Variants in NRXN3 observed in about 807,000 individuals in gnomAD.
The protein encoded by NRXN3 is neurexin III.
In NRXN3, 32 loss-of-function variants were observed where a neutral mutation model predicts 137.6. That is an observed-to-expected ratio of 0.23 (90% confidence interval 0.18 to 0.31). The LOEUF (loss-of-function observed/expected upper bound fraction) is 0.31. Among genes scored for constraint, NRXN3 ranks in the 10% least tolerant of loss-of-function variants. The probability of loss-of-function intolerance (pLI) is 1.00; values close to 1 mark genes in which losing one functional copy is unlikely to be tolerated. For synonymous variants in NRXN3, 798 were observed against 784.5 expected (o/e 1.02, Z -0.29); for missense variants, 1,574 against 2,062.5 (o/e 0.76, Z 4.59).
At chr14:78,620,147 C>G (rs1281103357) in intron 4 of NRXN3, among the ~76,000 whole-genome samples, 2 of 152,156 alleles carry the variant, frequency 1.3e-5, no homozygotes, top group Non-Finnish European at 2.9e-5. Flanking sequence ...TTTTTACACT[C>G]TTGAGAATCA....
intron 15 of NRXN3, among the ~76,000 whole-genome samples, chr14:79,455,187 C>T (rs949856109): frequency 2.0e-5 from 3 of 152,178 alleles, no homozygotes; most frequent in African/African-American, 7.2e-5. Context: ...GTATTGGTCT[C>T]TGGTGAGAAT....
intron 15 of NRXN3, among the ~76,000 whole-genome samples, chr14:79,447,184 G>A (rs755609085): frequency 9.2e-5 from 14 of 152,118 alleles, no homozygotes; most frequent in Non-Finnish European, 1.3e-4. Flanking sequence ...CCTCCACATC[G>A]TTCCTTCTGG....
chr14:79,497,440 T>C (rs977872295), intron 16 of NRXN3, among the ~76,000 whole-genome samples: 5 of 152,128 alleles, frequency 3.3e-5, no homozygotes, highest in African/African-American at 9.7e-5. Context: ...AATGTTACCT[T>C]ATTAATGAAG....
At chr14:78,468,826 A>G (rs1403581499) in intron 4 of NRXN3, among the ~76,000 whole-genome samples, 1 of 152,274 alleles carries the variant, frequency 6.6e-6, no homozygotes, top group Admixed American at 6.5e-5. Context: ...CTGCCTTAGG[A>G]AAGAATGAAT....
intron 15 of NRXN3, among the ~76,000 whole-genome samples, chr14:79,220,766 T>G (rs1464664465): frequency 6.6e-6 from 1 of 152,090 alleles, no homozygotes; most frequent in Non-Finnish European, 1.5e-5. Flanking sequence ...TATATATTTT[T>G]TATTATACTT....
chr14:79,285,030 G>A (rs2082018435), intron 15 of NRXN3, among the ~76,000 whole-genome samples: 1 of 152,102 alleles, frequency 6.6e-6, no homozygotes, highest in Non-Finnish European at 1.5e-5. Flanking sequence ...GGTGGGTCTG[G>A]AGATTAACTT....
chr14:79,667,060 A>G (rs2098562598), intron 17 of NRXN3, among the ~76,000 whole-genome samples: 1 of 152,048 alleles, frequency 6.6e-6, no homozygotes. Context: ...TATTAAAAGG[A>G]TCAATTTAAC....
intron 15 of NRXN3, among the ~76,000 whole-genome samples, chr14:79,316,488 T>A (rs1436219415): frequency 6.6e-6 from 1 of 152,166 alleles, no homozygotes; most frequent in African/African-American, 2.4e-5. Context: ...CTGTTAGTTG[T>A]TGAATTGTGG....
In NRXN3 at chr14:79,822,807, CCAAA is replaced by C. The variant is rs532872192; in HGVS notation, c.4093+17642_4093+17645del. On this transcript the variant is annotated intron_variant, in intron 20 of 20. Transcript: ENST00000335750. ...TAGATTAAAGGCACAAAATAGATTT[CCAAA>C]CAAACAAACAAACAAACAAACAAAA... is the stretch of plus-strand genomic sequence containing the variant. Among the ~76,000 whole-genome samples the C allele has an allele frequency of 7.0e-3, 1,056 of 151,638 alleles. 12 individuals are homozygous for C. Among genetic ancestry groups the C allele is most frequent in the African/African-American group, 0.021 (861 of 41,392 alleles).
At chr14:79,361,999 T>TA (rs2093698822) in intron 15 of NRXN3, among the ~76,000 whole-genome samples, 7 of 132,368 alleles carry the variant, frequency 5.3e-5, no homozygotes, top group African/African-American at 8.7e-5. Context: ...CTTTTATAAT[T>TA]ATTATTATTA....
At chr14:79,860,854 T>A (rs762887670) in intron 20 of NRXN3, among the ~76,000 whole-genome samples, 2 of 152,076 alleles carry the variant, frequency 1.3e-5, no homozygotes, top group African/African-American at 4.8e-5. Flanking sequence ...GATCTAGGGA[T>A]TTCAGGTTTG....
At chr14:79,059,498 C>A (rs895328484) in intron 15 of NRXN3, among the ~76,000 whole-genome samples, 1 of 151,954 alleles carries the variant, frequency 6.6e-6, no homozygotes, top group African/African-American at 2.4e-5. Flanking sequence ...ACCTCGTGAT[C>A]CCCCAGCCTT....
At chr14:79,804,771 C>A (rs753397146) in intron 19 of NRXN3, among the ~76,000 whole-genome samples, 7 of 152,084 alleles carry the variant, frequency 4.6e-5, no homozygotes, top group Admixed American at 1.3e-4. Flanking sequence ...TTACAACAGC[C>A]CTTCTCCTGT....
intron 17 of NRXN3, among the ~76,000 whole-genome samples, chr14:79,673,281 A>G (rs202156851): frequency 6.6e-6 from 1 of 152,038 alleles, no homozygotes; most frequent in African/African-American, 2.4e-5. Context: ...TCTTTTCCAC[A>G]CGGTACTTTT....
chr14:78,669,130 T>C (rs959386263), intron 6 of NRXN3, among the ~76,000 whole-genome samples: 11 of 151,956 alleles, frequency 7.2e-5, no homozygotes, highest in African/African-American at 2.4e-4. Flanking sequence ...AAAAAAAAAT[T>C]TTAAGAGTGA....
At chr14:79,362,796 A>G (rs1209202287) in intron 15 of NRXN3, among the ~76,000 whole-genome samples, 2 of 152,230 alleles carry the variant, frequency 1.3e-5, no homozygotes, top group Non-Finnish European at 2.9e-5. Flanking sequence ...ACACAGTTCC[A>G]GCAGGCACGA....
At chr14:79,712,074 A>AGAT (rs1375699903) in intron 19 of NRXN3, among the ~76,000 whole-genome samples, 2 of 152,248 alleles carry the variant, frequency 1.3e-5, no homozygotes, top group Admixed American at 1.3e-4. Context: ...GAAGATAGAT[A>AGAT]GATAGCATCG....
chr14:78,215,769 G>GGT (rs1566986492), intron 1 of NRXN3, among the ~76,000 whole-genome samples: 1 of 88,856 alleles, frequency 1.1e-5, no homozygotes, highest in Non-Finnish European at 2.3e-5. Context: ...GCTGCAGGGG[G>GGT]GTGGGGGGGG....
rs561155149 is a variant in NRXN3 at position 79,489,616 on chromosome 14, C to T, written c.3444+22214C>T. 1.3e-4 allele frequency among the ~76,000 whole-genome samples: 20 copies of T among 152,236 alleles called. No homozygotes were observed. The East Asian group carries it at 3.5e-3, about 26-fold the overall frequency. ...TTATGTAAAGCCCTTCTTGGATTTC[C>T]TCTTTATTATATTTTACATAATTGA... is the stretch of plus-strand genomic sequence containing the variant. On this transcript the variant is annotated intron_variant, in intron 16 of 20. Transcript: ENST00000335750.
Sources: allele counts gnomAD v4.1 joint callset (sites outside exome capture counted in the v4.1 genomes callset), GRCh38; gene constraint gnomAD v4.1.1; transcripts MANE v1.5; gene names NCBI Gene and HGNC (gene_info 2026-07-23, HGNC 2026-07-21).